Variants in CENPQ observed in about 807,000 individuals in gnomAD.
CENPQ encodes the protein chromosome 6 open reading frame 139.
CENPQ carries 27 observed loss-of-function variants against 36.6 expected under a neutral mutation model. The ratio of observed to expected loss-of-function variants is 0.74; its 90% CI spans 0.54 to 1.02. CENPQ has a LOEUF of 1.02. CENPQ is among the 50% of genes least tolerant of loss of function. The probability of loss-of-function intolerance (pLI) is 0.00; values close to 1 mark genes in which losing one functional copy is unlikely to be tolerated. For missense variants in CENPQ, 306 were observed against 301.8 expected, an observed-to-expected ratio of 1.01 and a Z score of -0.10; for synonymous variants, 101 against 101.7, an observed-to-expected ratio of 0.99 and a Z score of 0.04.
At chr6:49,467,042 C>T (rs999208581) in intron 1 of CENPQ, among the ~76,000 whole-genome samples, 5 of 152,148 alleles carry the variant, frequency 3.3e-5, no homozygotes, top group Admixed American at 6.5e-5. Context: ...TGACGGTCTA[C>T]GTAGACCCAA....
intron 3 of CENPQ, 145 bp from the exon 4 acceptor site, chr6:49,471,918 A>G (rs1768144010): frequency 3.7e-6 from 3 of 816,390 alleles, no homozygotes; most frequent in Non-Finnish European, 5.2e-6. Context: ...CTGTGTGATA[A>G]AAAGTAAATT....
rs1581851761 is a variant in CENPQ at position 49,481,152 on chromosome 6, T to C, written c.477+72T>C. ...GGAAGAAGACCAAAGTTTTTAAAATTATCATGATGTTCTTCCAGTAGTGAA... is the reference window on the plus strand; with the variant it reads ...GGAAGAAGACCAAAGTTTTTAAAATCATCATGATGTTCTTCCAGTAGTGAA... On this transcript the variant is annotated intron_variant, in intron 6 of 8. Coordinates refer to ENST00000335783, the MANE Select transcript of CENPQ (RefSeq NM_018132.4). 5.7e-6 allele frequency: 7 copies of C among 1,237,198 alleles called. No individual in the cohort carries two copies. The East Asian group carries it at 1.7e-4, about 30-fold the overall frequency. The allele number at this position is 1,237,198 out of a possible 1,614,324, so 76.6% of individuals were successfully genotyped here. A position where few individuals can be genotyped will look rare whatever the true frequency, so the allele number is the denominator to read the frequency against.
intron 1 of CENPQ, among the ~76,000 whole-genome samples, chr6:49,465,643 T>C (rs1172161012): frequency 6.6e-6 from 1 of 152,244 alleles, no homozygotes; most frequent in Non-Finnish European, 1.5e-5. Flanking sequence ...GCAGATAGCT[T>C]ACTTCCTTAA....
chr6:49,481,458 G>C (rs1369255764), intron 6 of CENPQ, among the ~76,000 whole-genome samples: 3 of 152,146 alleles, frequency 2.0e-5, no homozygotes. Context: ...TGAAGCTGCA[G>C]ACCTTCGCGG....
chr6:49,468,751 C>T (rs555648919), intron 1 of CENPQ, among the ~76,000 whole-genome samples: 1 of 152,318 alleles, frequency 6.6e-6, no homozygotes, highest in Non-Finnish European at 1.5e-5. Context: ...ATAGACCTTA[C>T]TGCTCATTAA....
At chr6:49,470,449 CA>C (rs143329397) in intron 2 of CENPQ, among the ~76,000 whole-genome samples, 171 bp downstream of exon 2, 161 of 140,396 alleles carry the variant, frequency 1.1e-3, no homozygotes, top group Admixed American at 2.9e-3. Context: ...TTAAAAAAAA[CA>C]AAAAAAAAAA....
At chr6:49,483,824 G>C (rs1436710204) in intron 6 of CENPQ, among the ~76,000 whole-genome samples, 1 of 152,230 alleles carries the variant, frequency 6.6e-6, no homozygotes, top group Non-Finnish European at 1.5e-5. Context: ...CAAGCTGAGG[G>C]AGCCAGCTCC....
intron 5 of CENPQ, among the ~76,000 whole-genome samples, chr6:49,476,971 G>A (rs769343346): frequency 9.2e-5 from 14 of 152,168 alleles, no homozygotes; most frequent in Admixed American, 2.0e-4. Flanking sequence ...CACTGTTGGT[G>A]GGACTGTAAA....
chr6:49,481,029 T>A lies in CENPQ; in HGVS notation c.426T>A (p.Asn142Lys), dbSNP rs757609331. ...EDLTNVSSLL[N>K]MERARDKANE... ...TAACTAATGTATCAAGTCTACTGAA[T>A]ATGGAAAGGGCACGAGACAAAGCTA... The change falls in exon 6 of 9, where the codon AAT (asparagine) becomes AAA (lysine). Residue 142 changes from asparagine to lysine, a missense_variant. By Grantham distance (94) the Asn-to-Lys change is moderately conservative. Transcript: ENST00000335783. 1.9e-6 allele frequency: 3 copies of A among 1,611,388 alleles called. No individual in the cohort carries two copies. The highest frequency in any genetic ancestry group is 2.5e-6 in the Non-Finnish European group (3 of 1,178,932).
intron 7 of CENPQ, 36 bp from the exon 8 acceptor site, chr6:49,488,571 C>CT (rs765700964): frequency 7.5e-6 from 12 of 1,599,778 alleles, no homozygotes; most frequent in African/African-American, 1.3e-5. Context: ...GAGAAATCAG[C>CT]TTTTTGAAAT....
intron 1 of CENPQ, among the ~76,000 whole-genome samples, chr6:49,464,155 G>T (rs1767937636): frequency 6.6e-6 from 1 of 151,902 alleles, no homozygotes. Context: ...GATATTGCGG[G>T]GTCGGTTCCA....
rs1767948164 is a variant in CENPQ at position 49,464,438 on chromosome 6, C to G, written c.-19+985C>G. On this transcript the variant is annotated intron_variant, in intron 1 of 8. Coordinates refer to ENST00000335783, the MANE Select transcript of CENPQ (RefSeq NM_018132.4). ...TTGCTGAAGATTGGAGTTGCTGTGGCAGTTTCTTAAAATAACAAAATAATG... is the reference window on the plus strand; with the variant it reads ...TTGCTGAAGATTGGAGTTGCTGTGGGAGTTTCTTAAAATAACAAAATAATG... 2.6e-5 allele frequency among the ~76,000 whole-genome samples: 4 copies of G among 152,146 alleles called. No individual in the cohort carries two copies. The South Asian group carries it at 8.3e-4, about 32-fold the overall frequency.
At chr6:49,471,811 A>T (rs528459088) in intron 3 of CENPQ, among the ~76,000 whole-genome samples, 1 of 152,306 alleles carries the variant, frequency 6.6e-6, no homozygotes, top group East Asian at 1.9e-4. Context: ...TTAAAGTTTG[A>T]TTCTTCATTT....
intron 1 of CENPQ, among the ~76,000 whole-genome samples, chr6:49,465,641 C>T (rs1767983397): frequency 6.6e-6 from 1 of 152,234 alleles, no homozygotes. Context: ...ATGCAGATAG[C>T]TTACTTCCTT....
At chr6:49,482,945 G>C (rs1202356509) in intron 6 of CENPQ, among the ~76,000 whole-genome samples, 1 of 152,160 alleles carries the variant, frequency 6.6e-6, no homozygotes, top group Non-Finnish European at 1.5e-5. Context: ...CAAAGAGTGA[G>C]CAGTAGCAAG....
chr6:49,489,129 T>C (rs949910648), intron 8 of CENPQ, among the ~76,000 whole-genome samples: 2 of 152,222 alleles, frequency 1.3e-5, no homozygotes, highest in African/African-American at 4.8e-5. Flanking sequence ...CCCTGTAGCA[T>C]GTGATGCTGT....
At chr6:49,478,584 G>A (rs1487084227) in intron 5 of CENPQ, among the ~76,000 whole-genome samples, 3 of 151,980 alleles carry the variant, frequency 2.0e-5, no homozygotes, top group Non-Finnish European at 4.4e-5. Flanking sequence ...TTTTAGCCTG[G>A]CGAAGAAAGA....
At chr6:49,487,507 A>G (rs1157347524) in intron 6 of CENPQ, among the ~76,000 whole-genome samples, 1 of 140,992 alleles carries the variant, frequency 7.1e-6, no homozygotes, top group Non-Finnish European at 1.5e-5. Context: ...GAGGAAGACT[A>G]CTCTCCCAGC....
chr6:49,472,238 A>G lies in CENPQ; in HGVS notation c.278+55A>G, dbSNP rs1216677434. 7.9e-6 allele frequency: 11 copies of G among 1,398,676 alleles called. No homozygotes were observed. The East Asian group carries it at 2.2e-4, about 28-fold the overall frequency. 86.6% of individuals were successfully genotyped at this position (1,398,676 alleles called of 1,614,324 possible). A position where few individuals can be genotyped will look rare whatever the true frequency, so the allele number is the denominator to read the frequency against. ...TTTGGTTCCCATTTAGGTGTTTCCTATGGATATTATTCTTTTAAATATTGC... is the reference window on the plus strand; with the variant it reads ...TTTGGTTCCCATTTAGGTGTTTCCTGTGGATATTATTCTTTTAAATATTGC... On this transcript the variant is annotated intron_variant, in intron 4 of 8. Transcript: ENST00000335783.
Sources: gnomAD v4.1 joint callset for allele counts (sites outside exome capture counted in the v4.1 genomes callset) on GRCh38, gnomAD v4.1.1 for gene constraint, MANE v1.5 for transcripts, NCBI Gene and HGNC (gene_info 2026-07-23, HGNC 2026-07-21) for gene names.